Variants in MOB3B observed in about 807,000 individuals in gnomAD.
The protein encoded by MOB3B is MOB kinase activator-like 2B.
In MOB3B, 7 loss-of-function variants were observed where a neutral mutation model predicts 18.7. That is an observed-to-expected ratio of 0.37 (90% CI 0.21 to 0.70). MOB3B has a LOEUF of 0.70. Ranked by LOEUF, MOB3B falls within the 30% of genes least tolerant of loss-of-function variation. MOB3B has a pLI of 0.52. For missense variants in MOB3B, 253 were observed against 281.3 expected, an observed-to-expected ratio of 0.90 and a Z score of 0.72; for synonymous variants, 111 against 99.9, an observed-to-expected ratio of 1.11 and a Z score of -0.66.
At chr9:27,416,225 G>C (rs567331252) in intron 2 of MOB3B, among the ~76,000 whole-genome samples, 1 of 151,890 alleles carries the variant, frequency 6.6e-6, no homozygotes, top group Non-Finnish European at 1.5e-5. Context: ...TCATGATCTC[G>C]TAGGACCTCA....
intron 2 of MOB3B, among the ~76,000 whole-genome samples, chr9:27,451,467 G>A (rs1007320685): frequency 2.0e-5 from 3 of 152,090 alleles, no homozygotes; most frequent in South Asian, 2.1e-4. Context: ...GAAATAGCAC[G>A]GGTCACCTAG....
chr9:27,421,694 C>T (rs148245085), intron 2 of MOB3B: 1 of 152,450 alleles, frequency 6.6e-6, no homozygotes, highest in Non-Finnish European at 1.5e-5. Context: ...CACACTCCAG[C>T]TGCACTGGCC....
At chr9:27,437,356 C>G (rs1213085046) in intron 2 of MOB3B, among the ~76,000 whole-genome samples, 3 of 152,092 alleles carry the variant, frequency 2.0e-5, no homozygotes, top group Admixed American at 1.3e-4. Flanking sequence ...TAAACTCTGA[C>G]CTATTTGGGA....
intron 2 of MOB3B, among the ~76,000 whole-genome samples, chr9:27,404,802 G>T (rs1821941505): frequency 6.6e-6 from 1 of 152,154 alleles, no homozygotes; most frequent in South Asian, 2.1e-4. Context: ...GCTGAATCAT[G>T]TGGTAGTTTT....
intron 3 of MOB3B, among the ~76,000 whole-genome samples, chr9:27,349,914 A>T (rs1821081599): frequency 6.6e-6 from 1 of 152,186 alleles, no homozygotes; most frequent in African/African-American, 2.4e-5. Context: ...CTCTTTGTGG[A>T]GGGAGTGGTT....
At chr9:27,468,048 C>T (rs1819413036) in intron 1 of MOB3B, among the ~76,000 whole-genome samples, 1 of 152,148 alleles carries the variant, frequency 6.6e-6, no homozygotes, top group Admixed American at 6.5e-5. Flanking sequence ...TTTTTGTTAG[C>T]AGAGACTCTT....
chr9:27,337,106 T>G (rs1346262898), intron 3 of MOB3B, among the ~76,000 whole-genome samples: 2 of 152,092 alleles, frequency 1.3e-5, no homozygotes, highest in Non-Finnish European at 2.9e-5. Flanking sequence ...AAAAGTGGCT[T>G]GAACTGCAGC....
chr9:27,328,211 G>A lies in MOB3B; in HGVS notation c.*2376C>T, dbSNP rs1007568235. On this transcript the variant is annotated 3_prime_UTR_variant, in exon 4 of 4. Transcript: ENST00000262244. ...TAAAATGAAAGCAGAAAAAGAAGGA[G>A]AGTAGGACAGGTTAGGAAGAAGAAG... 1.3e-5 allele frequency: 2 copies of A among 152,148 alleles called. No individual in the cohort carries two copies. Among genetic ancestry groups the A allele is most frequent in the African/African-American group, 2.4e-5 (1 of 41,420 alleles). The allele number at this position is 152,148 out of a possible 1,614,324, so 9.4% of individuals were successfully genotyped here.
At chr9:27,342,526 G>A (rs1820960314) in intron 3 of MOB3B, among the ~76,000 whole-genome samples, 1 of 151,618 alleles carries the variant, frequency 6.6e-6, no homozygotes, top group Non-Finnish European at 1.5e-5. Flanking sequence ...AGCCAAGGCT[G>A]GACTGTACTG....
At chr9:27,348,277 G>A (rs866293479) in intron 3 of MOB3B, among the ~76,000 whole-genome samples, 1 of 152,102 alleles carries the variant, frequency 6.6e-6, no homozygotes, top group South Asian at 2.1e-4. Context: ...AACATCACCA[G>A]TTTAAAAATG....
chr9:27,417,199 TA>T (rs1822164291), intron 2 of MOB3B, among the ~76,000 whole-genome samples: 3 of 151,992 alleles, frequency 2.0e-5, no homozygotes, highest in African/African-American at 7.2e-5. Context: ...CCGTCTCTAC[TA>T]AAAAATACAA....
In MOB3B at chr9:27,330,630, G is replaced by C; in HGVS notation, c.622-14C>G. The C allele has an allele frequency of 1.2e-6, 2 of 1,614,058 alleles. No homozygotes were observed. Among genetic ancestry groups the C allele is most frequent in the Non-Finnish European group, 1.7e-6 (2 of 1,179,992 alleles). On this transcript the variant is annotated splice_polypyrimidine_tract_variant and intron_variant, in intron 3 of 3. Coordinates refer to ENST00000262244, the MANE Select transcript of MOB3B (RefSeq NM_024761.5). ...CGTCATTTCTTTCTGGAAAGCAAGGGGAAAAGGATGGTTAGGAGAAACTAT... is the reference window on the plus strand; with the variant it reads ...CGTCATTTCTTTCTGGAAAGCAAGGCGAAAAGGATGGTTAGGAGAAACTAT...
chr9:27,508,034 G>A (rs1427069210), intron 1 of MOB3B, among the ~76,000 whole-genome samples: 1 of 152,234 alleles, frequency 6.6e-6, no homozygotes, highest in Non-Finnish European at 1.5e-5. Context: ...AGGTATAGAA[G>A]AGGGTACCAA....
In MOB3B at chr9:27,481,592, C is replaced by G. The variant is rs182297753; in HGVS notation, c.-198-25844G>C. Among the ~76,000 whole-genome samples the G allele has an allele frequency of 4.3e-5, 6 of 139,800 alleles. 1 individual carries two copies. The Admixed American group carries it at 4.7e-4, about 11-fold the overall frequency. The allele number at this position is 139,800 out of a possible 152,430, so 91.7% of individuals were successfully genotyped here. A position where few individuals can be genotyped will look rare whatever the true frequency, so the allele number is the denominator to read the frequency against. The stretch of plus-strand genomic sequence containing the variant: ...GAGTGCAGGAGTACAGTGGCGTGAT[C>G]TCGGCTCACTGCAAGCTCCGCCTCC... On this transcript the variant is annotated intron_variant, in intron 1 of 3. Transcript: ENST00000262244.
In MOB3B at chr9:27,326,741, C is replaced by T; in HGVS notation, c.*3846G>A. The T allele has an allele frequency of 2.5e-6, 1 of 396,706 alleles. No homozygotes were observed. Among genetic ancestry groups the T allele is most frequent in the Non-Finnish European group, 4.4e-6 (1 of 225,374 alleles). The allele number at this position is 396,706 out of a possible 1,614,324, so 24.6% of individuals were successfully genotyped here. On this transcript the variant is annotated 3_prime_UTR_variant, in exon 4 of 4. Coordinates refer to ENST00000262244, the MANE Select transcript of MOB3B (RefSeq NM_024761.5). The stretch of plus-strand genomic sequence containing the variant: ...AAGAGAAAACGAACAATTTAAGAAG[C>T]AGGAAATGACTCTAGATCAGTATTT...
chr9:27,373,528 C>A (rs954404067), intron 2 of MOB3B, among the ~76,000 whole-genome samples: 5 of 152,180 alleles, frequency 3.3e-5, no homozygotes, highest in African/African-American at 1.2e-4. Context: ...GGTACAGACA[C>A]CCACAAGGCT....
At chr9:27,336,209 A>T (rs16911416) in intron 3 of MOB3B, among the ~76,000 whole-genome samples, 2 of 152,170 alleles carry the variant, frequency 1.3e-5, no homozygotes, top group African/African-American at 4.8e-5. Flanking sequence ...CAGTGTAACA[A>T]TAATGATTTA....
At chr9:27,439,671 CAA>C (rs61076670) in intron 2 of MOB3B, among the ~76,000 whole-genome samples, 1 of 152,138 alleles carries the variant, frequency 6.6e-6, no homozygotes, top group Non-Finnish European at 1.5e-5. Flanking sequence ...TTTGCTTCTT[CAA>C]ATTATCCTTT....
At chr9:27,453,150 C>T (rs1023899087) in intron 2 of MOB3B, among the ~76,000 whole-genome samples, 8 of 152,110 alleles carry the variant, frequency 5.3e-5, no homozygotes, top group South Asian at 4.1e-4. Context: ...CCAAAAGATG[C>T]TAATGGTCTT....
Sources: allele counts gnomAD v4.1 joint callset (sites outside exome capture counted in the v4.1 genomes callset), GRCh38; gene constraint gnomAD v4.1.1; transcripts MANE v1.5; gene names NCBI Gene and HGNC (gene_info 2026-07-23, HGNC 2026-07-21).